AGBL4: variants seen among roughly 807,000 people sequenced by gnomAD.
AGBL4 encodes AGBL carboxypeptidase 4, also known as cytosolic carboxypeptidase 6.
AGBL4 carries 58 observed loss-of-function variants against 66.4 expected under a neutral mutation model. The ratio of observed to expected loss-of-function variants is 0.87; its 90% CI spans 0.71 to 1.09. The LOEUF (loss-of-function observed/expected upper bound fraction) is 1.09, where lower values mean the gene tolerates loss of function less well. AGBL4 is among the 50% of genes least tolerant of loss of function. The pLI, the probability that AGBL4 is intolerant of heterozygous loss-of-function variation, is 0.00. For synonymous variants in AGBL4, 234 were observed against 222.9 expected (o/e 1.05, Z -0.44); for missense variants, 579 against 631.0 (o/e 0.92, Z 0.88).
At chr1:49,715,545 C>T (rs1404736474) in intron 2 of AGBL4, among the ~76,000 whole-genome samples, 1 of 152,192 alleles carries the variant, frequency 6.6e-6, no homozygotes, top group Non-Finnish European at 1.5e-5. Flanking sequence ...GCCACACTGT[C>T]TTCCACAATG....
chr1:48,578,337 T>A (rs1224114236), intron 11 of AGBL4, among the ~76,000 whole-genome samples: 1 of 152,084 alleles, frequency 6.6e-6, no homozygotes, highest in African/African-American at 2.4e-5. Flanking sequence ...AGATAGTCAA[T>A]CAGAAGGATT....
At chr1:49,004,171 G>T (rs946142011) in intron 5 of AGBL4, among the ~76,000 whole-genome samples, 2 of 152,192 alleles carry the variant, frequency 1.3e-5, no homozygotes, top group Non-Finnish European at 2.9e-5. Flanking sequence ...CAAATAAAAT[G>T]AGAGCTTTCT....
chr1:48,830,470 T>C (rs1646525310), intron 6 of AGBL4, among the ~76,000 whole-genome samples: 1 of 152,250 alleles, frequency 6.6e-6, no homozygotes, highest in African/African-American at 2.4e-5. Context: ...GCCTAACCTG[T>C]CTGTCTTCCT....
In AGBL4 at chr1:49,199,273, A is replaced by T. The variant is rs1647492559; in HGVS notation, c.377+46497T>A. ...ATAGTTGTTTAATTTCAAAGATCAAACTTTTAACCACAATGCTATATTATC... is the reference window on the plus strand; with the variant it reads ...ATAGTTGTTTAATTTCAAAGATCAATCTTTTAACCACAATGCTATATTATC... On this transcript the variant is annotated intron_variant, in intron 4 of 13. Transcript: ENST00000371839. 5.3e-5 allele frequency among the ~76,000 whole-genome samples: 8 copies of T among 152,316 alleles called. No individual in the cohort carries two copies. In the South Asian group the frequency reaches 1.7e-3, roughly 32 times the overall value.
At chr1:49,746,705 C>T (rs2147823901) in intron 2 of AGBL4, among the ~76,000 whole-genome samples, 1 of 151,984 alleles carries the variant, frequency 6.6e-6, no homozygotes. Context: ...TAATACAATC[C>T]TTATATATCT....
At chr1:48,775,199 G>C (rs964478046) in intron 6 of AGBL4, among the ~76,000 whole-genome samples, 1 of 152,134 alleles carries the variant, frequency 6.6e-6, no homozygotes, top group Admixed American at 6.5e-5. Context: ...CCTACACTTC[G>C]GTGTGCCAGG....
intron 3 of AGBL4, among the ~76,000 whole-genome samples, chr1:49,577,850 G>A (rs956733959): frequency 2.6e-5 from 4 of 152,168 alleles, no homozygotes; most frequent in Non-Finnish European, 4.4e-5. Flanking sequence ...CAGGGCTGGG[G>A]AAAAGTTCTC....
intron 4 of AGBL4, among the ~76,000 whole-genome samples, chr1:49,137,009 G>C (rs887342177): frequency 2.0e-5 from 3 of 152,096 alleles, no homozygotes; most frequent in African/African-American, 7.2e-5. Context: ...CGTAACATAA[G>C]AAGCAGAGAA....
At chr1:49,074,190 C>T (rs951018334) in intron 4 of AGBL4, among the ~76,000 whole-genome samples, 9 of 152,198 alleles carry the variant, frequency 5.9e-5, no homozygotes, top group African/African-American at 1.9e-4. Flanking sequence ...GGCATGGGAC[C>T]TGCTGAGCCA....
intron 3 of AGBL4, among the ~76,000 whole-genome samples, chr1:49,286,343 T>C (rs1644409245): frequency 6.6e-6 from 1 of 151,550 alleles, no homozygotes; most frequent in Non-Finnish European, 1.5e-5. Context: ...TTCAACATAG[T>C]ATTGGAAGTT....
intron 6 of AGBL4, among the ~76,000 whole-genome samples, chr1:48,666,012 G>T (rs944152503): frequency 6.6e-5 from 10 of 152,164 alleles, no homozygotes; most frequent in African/African-American, 2.4e-4. Context: ...TTCATAAAAT[G>T]ATAACATGGG....
intron 2 of AGBL4, among the ~76,000 whole-genome samples, chr1:49,793,519 C>T (rs1331521176): frequency 6.6e-6 from 1 of 151,914 alleles, no homozygotes; most frequent in Non-Finnish European, 1.5e-5. Flanking sequence ...GGAGTGAATA[C>T]CACAGGTGAG....
intron 1 of AGBL4, among the ~76,000 whole-genome samples, chr1:50,008,764 C>A (rs925688175): frequency 6.6e-6 from 1 of 151,878 alleles, no homozygotes; most frequent in Admixed American, 6.6e-5. Flanking sequence ...TTTAGCCAGA[C>A]TCAGAAGAAA....
chr1:48,981,698 A>G (rs1458520299), intron 5 of AGBL4, among the ~76,000 whole-genome samples: 3 of 152,176 alleles, frequency 2.0e-5, no homozygotes, highest in African/African-American at 7.2e-5. Context: ...CAGCCTGACC[A>G]ACATGGTGAA....
intron 3 of AGBL4, among the ~76,000 whole-genome samples, chr1:49,406,505 AG>A (rs1645201497): frequency 1.3e-5 from 2 of 152,176 alleles, no homozygotes; most frequent in African/African-American, 4.8e-5. Flanking sequence ...TACCAAGCAA[AG>A]GGTACATAAA....
At chr1:48,886,755 G>A (rs899992614) in intron 5 of AGBL4, among the ~76,000 whole-genome samples, 20 of 152,066 alleles carry the variant, frequency 1.3e-4, no homozygotes, top group Non-Finnish European at 2.4e-4. Flanking sequence ...GTTTCACCAT[G>A]TTAACCAGGA....
intron 5 of AGBL4, among the ~76,000 whole-genome samples, chr1:48,949,799 CG>C (rs1333618613): frequency 6.6e-6 from 1 of 152,108 alleles, no homozygotes; most frequent in Non-Finnish European, 1.5e-5. Flanking sequence ...ATGGAGGTAC[CG>C]GGGAAGAAGA....
At chr1:49,474,777 T>C (rs949228721) in intron 3 of AGBL4, among the ~76,000 whole-genome samples, 13 of 152,072 alleles carry the variant, frequency 8.5e-5, no homozygotes, top group Admixed American at 6.5e-4. Context: ...TCTGGCCTTG[T>C]TTGTACCTGT....
intron 3 of AGBL4, among the ~76,000 whole-genome samples, chr1:49,678,999 G>GA (rs1646637437): frequency 6.6e-6 from 1 of 152,004 alleles, no homozygotes; most frequent in African/African-American, 2.4e-5. Flanking sequence ...ATGGTCATTT[G>GA]AAAAAATTGT....
Sources: allele counts gnomAD v4.1 joint callset (sites outside exome capture counted in the v4.1 genomes callset), GRCh38; gene constraint gnomAD v4.1.1; transcripts MANE v1.5; gene names NCBI Gene and HGNC (gene_info 2026-07-23, HGNC 2026-07-21).